The following SPTLC2 variants were observed in gnomAD, a reference collection of about 807,000 sequenced individuals.
The protein encoded by SPTLC2 is serine palmitoyltransferase 2.
SPTLC2 carries 21 observed loss-of-function variants against 62.0 expected under a neutral mutation model. That is an observed-to-expected ratio of 0.34 (90% CI 0.24 to 0.49). The LOEUF (loss-of-function observed/expected upper bound fraction) is 0.49, where lower values mean the gene tolerates loss of function less well. Ranked by LOEUF, SPTLC2 falls within the 20% of genes least tolerant of loss-of-function variation. The probability of loss-of-function intolerance (pLI) is 0.99; values close to 1 mark genes in which losing one functional copy is unlikely to be tolerated. For synonymous variants in SPTLC2, 261 were observed against 261.8 expected, an observed-to-expected ratio of 1.00 and a Z score of 0.03; for missense variants, 511 against 713.0, an observed-to-expected ratio of 0.72 and a Z score of 3.23.
At chr14:77,529,259 T>C (rs940082602) in intron 9 of SPTLC2, among the ~76,000 whole-genome samples, 49 of 143,220 alleles carry the variant, frequency 3.4e-4, no homozygotes, top group African/African-American at 4.6e-4. Flanking sequence ...TCTTCTTTTT[T>C]TTTTTTTTTT....
At chr14:77,536,613 TA>T (rs1455959489) in intron 9 of SPTLC2, among the ~76,000 whole-genome samples, 8 of 152,154 alleles carry the variant, frequency 5.3e-5, no homozygotes, top group Non-Finnish European at 1.2e-4. Flanking sequence ...TTCCAGCCTA[TA>T]GGCCGAGTTT....
At chr14:77,574,489 T>C (rs1185989375) in intron 4 of SPTLC2, among the ~76,000 whole-genome samples, 1 of 152,198 alleles carries the variant, frequency 6.6e-6, no homozygotes, top group Non-Finnish European at 1.5e-5. Flanking sequence ...GCAATTCCAC[T>C]AGTAAGTATA....
At chr14:77,533,703 C>T (rs1460824410) in intron 9 of SPTLC2, among the ~76,000 whole-genome samples, 1 of 152,066 alleles carries the variant, frequency 6.6e-6, no homozygotes, top group Non-Finnish European at 1.5e-5. Context: ...CAGGAAATTT[C>T]CAAAAGTAAT....
chr14:77,557,260 ATAAT>A (rs1227329447), intron 6 of SPTLC2, 114 bp from the exon 7 acceptor site: 1 of 951,864 alleles, frequency 1.1e-6, no homozygotes, highest in Admixed American at 2.1e-5. Flanking sequence ...AGCAAAGGAC[ATAAT>A]TAGAGTTGGG....
At chr14:77,545,347 A>C (rs982744531) in intron 9 of SPTLC2, among the ~76,000 whole-genome samples, 1 of 151,598 alleles carries the variant, frequency 6.6e-6, no homozygotes, top group African/African-American at 2.4e-5. Flanking sequence ...GCTCCCTGCA[A>C]TCTCCACCTC....
intron 6 of SPTLC2, 135 bp downstream of exon 6, chr14:77,562,261 C>T (rs1594991085): frequency 7.8e-6 from 6 of 769,566 alleles, no homozygotes; most frequent in South Asian, 1.5e-5. Context: ...AAGACTGGAC[C>T]GGAAGAACAT....
At chr14:77,519,282 C>A (rs1298656135) in intron 10 of SPTLC2, among the ~76,000 whole-genome samples, 1 of 152,106 alleles carries the variant, frequency 6.6e-6, no homozygotes, top group African/African-American at 2.4e-5. Context: ...TTGTGATCCA[C>A]CCACCTCGGC....
chr14:77,517,888 T>C, intron 11 of SPTLC2, 150 bp downstream of exon 11: 1 of 1,293,346 alleles, frequency 7.7e-7, no homozygotes, highest in East Asian at 2.3e-5. Context: ...ACAGTTTTTT[T>C]GTAAATGCCA....
At chr14:77,616,421 C>T in intron 1 of SPTLC2, 27 bp downstream of exon 1, 3 of 1,386,648 alleles carry the variant, frequency 2.2e-6, no homozygotes, top group Non-Finnish European at 2.8e-6. Context: ...ACCGCCACCC[C>T]GGCCCCGCCG....
chr14:77,586,738 G>A (rs778213441), intron 2 of SPTLC2, among the ~76,000 whole-genome samples: 3 of 152,018 alleles, frequency 2.0e-5, no homozygotes, highest in African/African-American at 7.2e-5. Context: ...GTAGAAAAAC[G>A]GACAAAAGAT....
intron 11 of SPTLC2, among the ~76,000 whole-genome samples, chr14:77,513,836 G>A (rs149832801): frequency 9.9e-4 from 149 of 150,834 alleles, no homozygotes; most frequent in Middle Eastern, 3.4e-3. Context: ...CGGAGGCTGC[G>A]GTGAGTTGAG....
intron 8 of SPTLC2, among the ~76,000 whole-genome samples, chr14:77,554,577 T>C (rs1051286009): frequency 6.6e-6 from 1 of 152,238 alleles, no homozygotes; most frequent in Admixed American, 6.5e-5. Flanking sequence ...CATGGACATA[T>C]ATTACTTTTT....
chr14:77,581,838 AC>A (rs2079752940), intron 2 of SPTLC2, among the ~76,000 whole-genome samples: 1 of 152,164 alleles, frequency 6.6e-6, no homozygotes, highest in Non-Finnish European at 1.5e-5. Flanking sequence ...TAGCCTTCCA[AC>A]AAGTATACTG....
At chr14:77,570,573 T>C in intron 4 of SPTLC2, 65 bp from the exon 5 acceptor site, 2 of 1,597,462 alleles carry the variant, frequency 1.3e-6, no homozygotes, top group Middle Eastern at 1.7e-4. Context: ...CTCATCACTT[T>C]ATTAAAAGAA....
At chr14:77,577,029 A>G (rs1188052754) in intron 3 of SPTLC2, 114 bp from the exon 4 acceptor site, 35 of 1,193,088 alleles carry the variant, frequency 2.9e-5, no homozygotes, top group Non-Finnish European at 4.2e-5. Flanking sequence ...CTATATTAAA[A>G]AAATCTCAAA....
At chr14:77,542,121 A>T (rs1026074300) in intron 9 of SPTLC2, among the ~76,000 whole-genome samples, 1 of 151,986 alleles carries the variant, frequency 6.6e-6, no homozygotes, top group Non-Finnish European at 1.5e-5. Flanking sequence ...ACCAAGTGAA[A>T]AGTGAAGAAG....
Position 77,555,653 on chromosome 14 carries a change from T to G in SPTLC2, c.957-134A>C. On this transcript the variant is annotated intron_variant, in intron 7 of 11. Coordinates refer to ENST00000216484, the MANE Select transcript of SPTLC2 (RefSeq NM_004863.4). ...TTTCTTGGGACAGAGTTTTGCTCCA[T>G]TGTCCAGGCTGAAGTGCAGTGGCAT... 3.3e-6 allele frequency: 3 copies of G among 901,690 alleles called. No individual in the cohort carries two copies. The Admixed American group carries it at 6.8e-5, about 20-fold the overall frequency. 55.9% of individuals were successfully genotyped at this position (901,690 alleles called of 1,614,324 possible).
chr14:77,531,452 T>TTCTC (rs2079438591), intron 9 of SPTLC2, among the ~76,000 whole-genome samples: 1 of 111,302 alleles, frequency 9.0e-6, no homozygotes, highest in African/African-American at 3.8e-5. Flanking sequence ...TTCTCCTCCT[T>TTCTC]CTCCTCCTCC....
chr14:77,597,233 A>G lies in SPTLC2; in HGVS notation c.280T>C (p.Trp94Arg). The stretch of plus-strand genomic sequence containing the variant: ...GCATGGTGACACTTTTCAATTCTCC[A>G]ATACCTCAAGAAATCTCGAAGATAT... ...FGYLRDFLRY[W>R]RIEKCHHATE... Residue 94 changes from tryptophan (W) to arginine (R), a missense_variant, in exon 2 of 12, where the codon TGG (tryptophan) becomes CGG (arginine). Coordinates refer to ENST00000216484, the MANE Select transcript of SPTLC2 (RefSeq NM_004863.4). The G allele has an allele frequency of 6.2e-7, 1 of 1,614,182 alleles. No homozygotes were observed. The highest frequency in any genetic ancestry group is 8.5e-7 in the Non-Finnish European group (1 of 1,180,018).
Sources: allele counts gnomAD v4.1 joint callset (sites outside exome capture counted in the v4.1 genomes callset), GRCh38; gene constraint gnomAD v4.1.1; transcripts MANE v1.5; gene names NCBI Gene and HGNC (gene_info 2026-07-23, HGNC 2026-07-21).